Variants in SUGCT observed in about 807,000 individuals in gnomAD.
The protein encoded by SUGCT is succinyl-CoA:glutarate CoA-transferase.
SUGCT carries 41 observed loss-of-function variants against 55.0 expected under a neutral mutation model. That is an observed-to-expected ratio of 0.74 (90% confidence interval 0.58 to 0.97). SUGCT has a LOEUF of 0.97. Ranked by LOEUF, SUGCT falls within the 50% of genes least tolerant of loss-of-function variation. The pLI, the probability that SUGCT is intolerant of heterozygous loss-of-function variation, is 0.00. For missense variants in SUGCT, 568 were observed against 547.8 expected, an observed-to-expected ratio of 1.04 and a Z score of -0.37; for synonymous variants, 187 against 200.4, an observed-to-expected ratio of 0.93 and a Z score of 0.56.
chr7:40,536,304 A>T (rs952262739), intron 12 of SUGCT, among the ~76,000 whole-genome samples: 1 of 152,222 alleles, frequency 6.6e-6, no homozygotes, highest in East Asian at 1.9e-4. Context: ...ATGGGAAGGT[A>T]TACATTCTGA....
At chr7:40,146,242 A>G (rs1250567667) in intron 1 of SUGCT, among the ~76,000 whole-genome samples, 1 of 152,122 alleles carries the variant, frequency 6.6e-6, no homozygotes, top group Non-Finnish European at 1.5e-5. Flanking sequence ...TCCGCAGGTT[A>G]CTGGGTTAAG....
intron 13 of SUGCT, among the ~76,000 whole-genome samples, chr7:40,825,655 C>A (rs1407779881): frequency 6.6e-6 from 1 of 152,192 alleles, no homozygotes; most frequent in Admixed American, 6.5e-5. Context: ...TGCTTTCTCC[C>A]AGCTCTGACT....
At chr7:40,724,945 T>C (rs565793268) in intron 12 of SUGCT, among the ~76,000 whole-genome samples, 2 of 152,320 alleles carry the variant, frequency 1.3e-5, no homozygotes, top group East Asian at 3.9e-4. Flanking sequence ...TTGATGCATT[T>C]GCCAGTAGCC....
intron 6 of SUGCT, among the ~76,000 whole-genome samples, chr7:40,228,342 T>G (rs1250583487): frequency 6.6e-6 from 1 of 152,208 alleles, no homozygotes. Flanking sequence ...TTCTTAAGAC[T>G]TTAAATTTAT....
intron 12 of SUGCT, among the ~76,000 whole-genome samples, chr7:40,634,026 A>G (rs1203971494): frequency 2.0e-5 from 3 of 152,188 alleles, no homozygotes; most frequent in Non-Finnish European, 4.4e-5. Flanking sequence ...AAATGAAAAG[A>G]ATCACTCTTA....
chr7:40,733,456 C>G (rs1787000566), intron 12 of SUGCT, among the ~76,000 whole-genome samples: 2 of 152,154 alleles, frequency 1.3e-5, no homozygotes, highest in Non-Finnish European at 1.5e-5. Flanking sequence ...AAGTATTTCC[C>G]CATCCACACA....
At chr7:40,721,687 C>G (rs527709123) in intron 12 of SUGCT, among the ~76,000 whole-genome samples, 1 of 152,242 alleles carries the variant, frequency 6.6e-6, no homozygotes, top group South Asian at 2.1e-4. Flanking sequence ...CATAATTGAC[C>G]ATTTTCTTAA....
chr7:40,289,178 G>A (rs1334610272), intron 8 of SUGCT, among the ~76,000 whole-genome samples: 1 of 152,054 alleles, frequency 6.6e-6, no homozygotes, highest in African/African-American at 2.4e-5. Context: ...TCTTGAGATG[G>A]GAGATTATCT....
intron 9 of SUGCT, among the ~76,000 whole-genome samples, chr7:40,420,203 T>C (rs766591157): frequency 1.4e-4 from 21 of 152,138 alleles, no homozygotes; most frequent in Admixed American, 7.2e-4. Context: ...CAAAGGCACA[T>C]TGGGGTATGT....
intron 12 of SUGCT, among the ~76,000 whole-genome samples, chr7:40,622,351 G>A (rs887163450): frequency 4.6e-5 from 7 of 152,066 alleles, no homozygotes; most frequent in African/African-American, 1.7e-4. Context: ...GTGAGTATGG[G>A]TTCTTCAGCA....
At chr7:40,538,882 C>T (rs971937766) in intron 12 of SUGCT, 1 of 152,064 alleles carries the variant, frequency 6.6e-6, no homozygotes, top group African/African-American at 2.4e-5. Context: ...TTAAGACCAT[C>T]CTGGCTAATA....
chr7:40,190,249 C>T (rs1275330830), intron 5 of SUGCT, among the ~76,000 whole-genome samples: 3 of 151,992 alleles, frequency 2.0e-5, no homozygotes, highest in Non-Finnish European at 4.4e-5. Flanking sequence ...AATAATAGTA[C>T]CTACTTTCTT....
At chr7:40,442,095 C>T (rs1224837508) in intron 9 of SUGCT, among the ~76,000 whole-genome samples, 1 of 152,072 alleles carries the variant, frequency 6.6e-6, no homozygotes, top group Non-Finnish European at 1.5e-5. Flanking sequence ...GGAAGTCACA[C>T]GTCTTTTGAC....
At chr7:40,551,955 A>T (rs538603436) in intron 12 of SUGCT, among the ~76,000 whole-genome samples, 15 of 152,262 alleles carry the variant, frequency 9.9e-5, no homozygotes, top group African/African-American at 2.9e-4. Context: ...AGCCTATCAG[A>T]CTCATCAAAC....
At chr7:40,942,026 C>G in the SUGCT span, among the ~76,000 whole-genome samples, 1 of 152,056 alleles carries the variant, frequency 6.6e-6, no homozygotes, top group Non-Finnish European at 1.5e-5. Context: ...TTCTGCCAAT[C>G]TGTATTTTTT....
chr7:40,350,021 C>T (rs1797531671), intron 9 of SUGCT, among the ~76,000 whole-genome samples: 1 of 152,024 alleles, frequency 6.6e-6, no homozygotes, highest in Non-Finnish European at 1.5e-5. Flanking sequence ...GATTTTTTAC[C>T]TGTATGAGTT....
At chr7:40,431,536 A>T (rs1406812249) in intron 9 of SUGCT, among the ~76,000 whole-genome samples, 1 of 152,180 alleles carries the variant, frequency 6.6e-6, no homozygotes, top group African/African-American at 2.4e-5. Flanking sequence ...GGCAGCATGT[A>T]CATTTTAAGA....
chr7:40,417,623 T>C (rs902353892), intron 9 of SUGCT, among the ~76,000 whole-genome samples: 1 of 151,880 alleles, frequency 6.6e-6, no homozygotes, highest in Non-Finnish European at 1.5e-5. Flanking sequence ...CATGATTTAA[T>C]TAAAAAATGT....
At chr7:40,403,585 G>C (rs571853294) in intron 9 of SUGCT, among the ~76,000 whole-genome samples, 1 of 152,276 alleles carries the variant, frequency 6.6e-6, no homozygotes, top group South Asian at 2.1e-4. Context: ...TAAAATGGGA[G>C]GGGCCATTTG....
Sources: allele counts gnomAD v4.1 joint callset (sites outside exome capture counted in the v4.1 genomes callset), GRCh38; gene constraint gnomAD v4.1.1; transcripts MANE v1.5; gene names NCBI Gene and HGNC (gene_info 2026-07-23, HGNC 2026-07-21).